Variants in RBFOX2 observed in about 807,000 individuals in gnomAD.
The protein encoded by RBFOX2 is RNA binding fox-1 homolog 2.
RBFOX2 carries 10 observed loss-of-function variants against 49.1 expected under a neutral mutation model. The observed-to-expected ratio is 0.20, with a 90% CI of 0.13 to 0.35. RBFOX2 has a LOEUF of 0.35. RBFOX2 is among the 10% of genes least tolerant of loss of function. RBFOX2 has a pLI of 1.00. For missense variants in RBFOX2, 323 were observed against 486.9 expected, an observed-to-expected ratio of 0.66 and a Z score of 3.17; for synonymous variants, 183 against 187.4, an observed-to-expected ratio of 0.98 and a Z score of 0.19.
intron 1 of RBFOX2, among the ~76,000 whole-genome samples, chr22:35,932,937 A>T (rs776096511): frequency 7.2e-5 from 11 of 152,226 alleles, no homozygotes; most frequent in Non-Finnish European, 8.8e-5. Flanking sequence ...TTAGATCATA[A>T]GTTATTTTAA....
At chr22:36,008,004 G>A (rs1414319225) in intron 1 of RBFOX2, among the ~76,000 whole-genome samples, 2 of 151,908 alleles carry the variant, frequency 1.3e-5, no homozygotes, top group African/African-American at 4.8e-5. Flanking sequence ...ATTCTTATAC[G>A]CAGATGCAAG....
chr22:35,781,697 C>G, exon 3 of RBFOX2: 1 of 1,614,208 alleles, frequency 6.2e-7, no homozygotes. Flanking sequence ...ATTTTCACTA[C>G]TTTGTGTCTG....
At chr22:35,752,709 C>T (rs1935391763) in intron 9 of RBFOX2, 1 of 922,522 alleles carries the variant, frequency 1.1e-6, no homozygotes, top group Non-Finnish European at 1.3e-6. Flanking sequence ...GGAAGGAAAA[C>T]AATCATACAA....
At chr22:36,003,984 G>C (rs1237271767) in intron 1 of RBFOX2, among the ~76,000 whole-genome samples, 2 of 152,080 alleles carry the variant, frequency 1.3e-5, no homozygotes, top group Non-Finnish European at 2.9e-5. Flanking sequence ...TGCACTTTAG[G>C]ATGTTAAAGT....
At chr22:35,998,252 T>C (rs138635515) in intron 1 of RBFOX2, 51 of 152,304 alleles carry the variant, frequency 3.3e-4, no homozygotes, top group African/African-American at 1.2e-3. Context: ...ACTTACCTTA[T>C]TTAATTTTGG....
At chr22:35,889,733 C>A (rs1245104272) in intron 1 of RBFOX2, among the ~76,000 whole-genome samples, 1 of 152,172 alleles carries the variant, frequency 6.6e-6, no homozygotes, top group African/African-American at 2.4e-5. Context: ...GTTATCTGAA[C>A]TGAGCCATTG....
At chr22:35,976,963 C>CAAAAAAAAAAAA (rs199582145) in intron 1 of RBFOX2, among the ~76,000 whole-genome samples, 1 of 59,568 alleles carries the variant, frequency 1.7e-5, no homozygotes. Flanking sequence ...GACTCCGTCT[C>CAAAAAAAAAAAA]AAAAAAAAAA....
intron 2 of RBFOX2, among the ~76,000 whole-genome samples, chr22:35,791,183 G>A (rs543619743): frequency 1.3e-3 from 204 of 152,122 alleles, no homozygotes; most frequent in African/African-American, 4.4e-3. Context: ...TCAAGAGTTC[G>A]AGACCAGCCT....
chr22:36,011,779 C>T (rs1250416135), intron 1 of RBFOX2, among the ~76,000 whole-genome samples: 4 of 151,940 alleles, frequency 2.6e-5, no homozygotes, highest in African/African-American at 9.7e-5. Context: ...AGAAAATACT[C>T]CATACAAGAA....
chr22:35,954,709 C>T (rs902954443), intron 1 of RBFOX2, among the ~76,000 whole-genome samples: 8 of 152,132 alleles, frequency 5.3e-5, no homozygotes, highest in Admixed American at 2.6e-4. Flanking sequence ...TACTGAGGGA[C>T]GTTTATGTGT....
chr22:35,782,646 T>C (rs2147168972), intron 2 of RBFOX2, among the ~76,000 whole-genome samples: 1 of 152,186 alleles, frequency 6.6e-6, no homozygotes, highest in South Asian at 2.1e-4. Context: ...CTGAAACAAA[T>C]CTGTACTCTC....
chr22:35,895,012 C>G (rs946761662), intron 1 of RBFOX2, among the ~76,000 whole-genome samples: 2 of 151,818 alleles, frequency 1.3e-5, no homozygotes, highest in Non-Finnish European at 2.9e-5. Context: ...GGTCTCCTCC[C>G]CCCTCCGCTC....
At chr22:36,023,997 G>C (rs746771231) in intron 1 of RBFOX2, among the ~76,000 whole-genome samples, 20 of 152,114 alleles carry the variant, frequency 1.3e-4, no homozygotes, top group African/African-American at 4.3e-4. Context: ...ATTCAACTTT[G>C]GAATCTAACG....
intron 1 of RBFOX2, among the ~76,000 whole-genome samples, chr22:35,877,947 C>T (rs1043562709): frequency 6.6e-6 from 1 of 151,048 alleles, no homozygotes; most frequent in East Asian, 1.9e-4. Flanking sequence ...ATAATAGCAG[C>T]GAATACACCA....
chr22:35,992,072 A>G (rs1318263581), intron 1 of RBFOX2, among the ~76,000 whole-genome samples: 1 of 152,158 alleles, frequency 6.6e-6, no homozygotes, highest in Non-Finnish European at 1.5e-5. Flanking sequence ...TAAATCTATT[A>G]AACAGCAAAG....
chr22:35,954,641 A>G (rs1049309915), intron 1 of RBFOX2, among the ~76,000 whole-genome samples: 1 of 152,144 alleles, frequency 6.6e-6, no homozygotes, highest in Non-Finnish European at 1.5e-5. Flanking sequence ...AAATATCCCA[A>G]GCCTTGCCCC....
intron 1 of RBFOX2, among the ~76,000 whole-genome samples, chr22:35,926,717 T>C (rs1344211140): frequency 2.0e-5 from 3 of 152,176 alleles, no homozygotes; most frequent in Non-Finnish European, 4.4e-5. Flanking sequence ...TCTGGCATCA[T>C]TCATCTATCC....
chr22:35,982,496 T>A (rs2150068087), intron 1 of RBFOX2, among the ~76,000 whole-genome samples: 1 of 152,050 alleles, frequency 6.6e-6, no homozygotes, highest in South Asian at 2.1e-4. Context: ...TCTCTCTGCC[T>A]CCCTCCACAT....
chr22:35,819,210 G>T (rs1953894441), intron 1 of RBFOX2, among the ~76,000 whole-genome samples: 1 of 152,058 alleles, frequency 6.6e-6, no homozygotes, highest in Admixed American at 6.6e-5. Context: ...ACCTGCTTCT[G>T]CAGTATAAGT....
Sources: gnomAD v4.1 joint callset for allele counts (sites outside exome capture counted in the v4.1 genomes callset) on GRCh38, gnomAD v4.1.1 for gene constraint, MANE v1.5 for transcripts, NCBI Gene and HGNC (gene_info 2026-07-23, HGNC 2026-07-21) for gene names.